Variants in UBE2O observed in about 807,000 individuals in gnomAD.
UBE2O encodes the protein ubiquitin conjugating enzyme E2 O.
A neutral mutation model predicts 125.8 loss-of-function variants in UBE2O; 15 were observed. That is an observed-to-expected ratio of 0.12 (90% CI 0.08 to 0.18). The LOEUF (loss-of-function observed/expected upper bound fraction) is 0.18, where lower values mean the gene tolerates loss of function less well. Among genes scored for constraint, UBE2O ranks in the 10% least tolerant of loss-of-function variants. The pLI, the probability that UBE2O is intolerant of heterozygous loss-of-function variation, is 1.00. For synonymous variants in UBE2O, 708 were observed against 703.2 expected (o/e 1.01, Z -0.11); for missense variants, 1,280 against 1,723.6 (o/e 0.74, Z 4.56).
Position 76,398,714 on chromosome 17 carries a change from G to A in UBE2O, c.1783+123C>T, listed in dbSNP as rs1484342104. 4.1e-6 allele frequency: 6 copies of A among 1,460,770 alleles called. No individual in the cohort carries two copies. In the East Asian group the frequency reaches 1.4e-4, roughly 33 times the overall value. The allele number at this position is 1,460,770 out of a possible 1,614,324, so 90.5% of individuals were successfully genotyped here. ...GAAGTGGTGAGACCCCTTCATGAGG[G>A]CAGTCCCCTTCTGGACCTCATTTTA... On this transcript the variant is annotated intron_variant, in intron 10 of 17. Coordinates refer to ENST00000319380, the MANE Select transcript of UBE2O (RefSeq NM_022066.4). The surrounding 1 kb of genome is among the most constrained non-coding windows in gnomAD (Gnocchi z 5.4).
At chr17:76,450,108 C>T (rs1268876142) in intron 1 of UBE2O, among the ~76,000 whole-genome samples, 2 of 151,282 alleles carry the variant, frequency 1.3e-5, no homozygotes, top group African/African-American at 4.9e-5. Flanking sequence ...TCTGCCACTA[C>T]ATTATTTTGT....
Position 76,402,004 on chromosome 17 carries a change from T to C in UBE2O, c.750+60A>G. On this transcript the variant is annotated intron_variant, in intron 5 of 17. Transcript: ENST00000319380. The surrounding 1 kb of genome is among the most constrained non-coding windows in gnomAD (Gnocchi z 5.4). Reference sequence around the variant, plus strand: ...CTGGGTCCAGGTCTTTGCTACGAAGTCCTCCTTCCAGAGGACTGAGCAATC... The same window carrying C: ...CTGGGTCCAGGTCTTTGCTACGAAGCCCTCCTTCCAGAGGACTGAGCAATC... 1 of 1,564,106 alleles carries C rather than the reference T, an allele frequency of 6.4e-7. No individual in the cohort carries two copies.
intron 1 of UBE2O, among the ~76,000 whole-genome samples, chr17:76,416,182 GTA>G (rs1307057985): frequency 6.6e-6 from 1 of 151,382 alleles, no homozygotes; most frequent in African/African-American, 2.4e-5. Flanking sequence ...GTGTGTGTGT[GTA>G]TATGTATATG....
Position 76,410,331 on chromosome 17 carries a change from A to C in UBE2O, c.418-4759T>G, listed in dbSNP as rs891709503. On this transcript the variant is annotated intron_variant, in intron 1 of 17. Transcript: ENST00000319380. The surrounding 1 kb of genome is among the most constrained non-coding windows in gnomAD (Gnocchi z 4.0). ...TAGGGGTAATTTTGCTCCTCAAAGG[A>C]CATTTGGCAATGTCTGGAGACACTT... Among the ~76,000 whole-genome samples the C allele has an allele frequency of 2.6e-5, 4 of 151,454 alleles. No homozygotes were observed. Among genetic ancestry groups the C allele is most frequent in the Admixed American group, 6.6e-5 (1 of 15,148 alleles).
At chr17:76,451,156 C>G (rs547019596) in intron 1 of UBE2O, among the ~76,000 whole-genome samples, 1 of 152,070 alleles carries the variant, frequency 6.6e-6, no homozygotes, top group Non-Finnish European at 1.5e-5. Context: ...AGTTGCGTTC[C>G]AAAAATCACG....
intron 1 of UBE2O, among the ~76,000 whole-genome samples, chr17:76,444,436 C>T (rs1398020687): frequency 6.6e-6 from 1 of 152,114 alleles, no homozygotes; most frequent in Non-Finnish European, 1.5e-5. Flanking sequence ...GCACAGGAGG[C>T]TGAGGTGGGA....
chr17:76,435,523 G>A (rs371145139), intron 1 of UBE2O, among the ~76,000 whole-genome samples: 2 of 151,520 alleles, frequency 1.3e-5, no homozygotes, highest in African/African-American at 2.4e-5. Flanking sequence ...TATTCCCCCC[G>A]TTTACTGCAT....
chr17:76,435,355 T>C (rs1451688583), intron 1 of UBE2O, among the ~76,000 whole-genome samples: 1 of 152,036 alleles, frequency 6.6e-6, no homozygotes, highest in Non-Finnish European at 1.5e-5. Context: ...TTTAAACCTT[T>C]TGAATGTTGT....
At chr17:76,401,664 T>G (rs1167691494) in intron 5 of UBE2O, 1 of 166,914 alleles carries the variant, frequency 6.0e-6, no homozygotes, top group Non-Finnish European at 1.3e-5. Context: ...TCACCCGAGG[T>G]CAAGAGTTCG....
intron 1 of UBE2O, among the ~76,000 whole-genome samples, chr17:76,440,486 C>G (rs926218034): frequency 2.6e-5 from 4 of 152,168 alleles, no homozygotes; most frequent in African/African-American, 9.7e-5. Flanking sequence ...AGCTGCCACG[C>G]TAAGATGATT....
intron 15 of UBE2O, among the ~76,000 whole-genome samples, chr17:76,392,507 C>T (rs950602427): frequency 3.3e-5 from 5 of 152,060 alleles, no homozygotes; most frequent in Admixed American, 6.5e-5. Context: ...TCAAGTGATC[C>T]GCCTGCCTCG....
At chr17:76,423,052 G>A (rs902711605) in intron 1 of UBE2O, among the ~76,000 whole-genome samples, 6 of 152,348 alleles carry the variant, frequency 3.9e-5, no homozygotes, top group Admixed American at 2.0e-4. Flanking sequence ...AATGGGTGGC[G>A]TGGGCAGAAT....
chr17:76,421,630 G>A (rs1401839696), intron 1 of UBE2O, among the ~76,000 whole-genome samples: 1 of 152,190 alleles, frequency 6.6e-6, no homozygotes, highest in Non-Finnish European at 1.5e-5. Context: ...CTCCCAAGGT[G>A]CTAGGATTAC....
rs758423491 is a variant in UBE2O at position 76,396,120 on chromosome 17, T to C, written c.2809+8A>G. The C allele has an allele frequency of 1.2e-6, 2 of 1,610,742 alleles. No individual in the cohort carries two copies. Among genetic ancestry groups the C allele is most frequent in the African/African-American group, 2.7e-5 (2 of 74,858 alleles). The stretch of plus-strand genomic sequence containing the variant: ...GGGAAGGCGAAGACCAGGCAAGGGC[T>C]GACTCACAGGGTGCAAACTCCAGTA... On this transcript the variant is annotated splice_region_variant and intron_variant, in intron 14 of 17. Coordinates refer to ENST00000319380, the MANE Select transcript of UBE2O (RefSeq NM_022066.4). The surrounding 1 kb of genome is among the most constrained non-coding windows in gnomAD (Gnocchi z 6.7).
chr17:76,430,224 G>A (rs1308679102), intron 1 of UBE2O, among the ~76,000 whole-genome samples: 1 of 152,114 alleles, frequency 6.6e-6, no homozygotes, highest in Non-Finnish European at 1.5e-5. Flanking sequence ...CTGTGTCCTT[G>A]TGGGTTTATA....
At chr17:76,412,934 G>C (rs1198714124) in intron 1 of UBE2O, among the ~76,000 whole-genome samples, 1 of 152,162 alleles carries the variant, frequency 6.6e-6, no homozygotes, top group Admixed American at 6.5e-5. Context: ...TTTGAACCCG[G>C]GAGGCGGAGG....
chr17:76,415,718 T>C (rs1416203763), intron 1 of UBE2O, among the ~76,000 whole-genome samples: 1 of 151,712 alleles, frequency 6.6e-6, no homozygotes, highest in African/African-American at 2.4e-5. Context: ...GGTAGGAGAA[T>C]TGCTTGGACC....
intron 1 of UBE2O, among the ~76,000 whole-genome samples, chr17:76,412,376 C>T (rs771570151): frequency 4.6e-5 from 7 of 152,148 alleles, no homozygotes; most frequent in Non-Finnish European, 7.4e-5. Flanking sequence ...ATCTGAGAAA[C>T]GCCACTCCTC....
chr17:76,401,165 TG>T lies in UBE2O; in HGVS notation c.751-12del. On this transcript the variant is annotated splice_polypyrimidine_tract_variant and intron_variant, in intron 5 of 17. Transcript: ENST00000319380. ...ATCGAAGAAGAGACCCTGCGGGATG[TG>T]GGGCCAAAGGAAAGTCCCCGTGAGC... 1 of 1,612,608 alleles carries T rather than the reference TG, an allele frequency of 6.2e-7. No individual in the cohort carries two copies. The highest frequency in any genetic ancestry group is 1.7e-4 in the Middle Eastern group (1 of 6,056).
Sources: allele counts gnomAD v4.1 joint callset (sites outside exome capture counted in the v4.1 genomes callset), GRCh38; gene constraint gnomAD v4.1.1; non-coding constraint Gnocchi (gnomAD v3.1); transcripts MANE v1.5; gene names NCBI Gene and HGNC (gene_info 2026-07-23, HGNC 2026-07-21).